ARHGAP6: variants seen among roughly 807,000 people sequenced by gnomAD.
ARHGAP6 encodes the protein Rho GTPase activating protein 6.
ARHGAP6 carries 16 observed loss-of-function variants against 55.7 expected under a neutral mutation model. The ratio of observed to expected loss-of-function variants is 0.29; its 90% confidence interval spans 0.19 to 0.44. ARHGAP6 has a LOEUF of 0.44. Among genes scored for constraint, ARHGAP6 ranks in the 20% least tolerant of loss-of-function variants. ARHGAP6 has a pLI of 1.00. For synonymous variants in ARHGAP6, 382 were observed against 360.9 expected (o/e 1.06, Z -0.66); for missense variants, 698 against 808.9 (o/e 0.86, Z 1.66).
chrX:11,251,323 T>C (rs1400737716), intron 2 of ARHGAP6, among the ~76,000 whole-genome samples: 1 of 112,068 alleles, frequency 8.9e-6, no homozygotes, highest in Non-Finnish European at 1.9e-5. Context: ...CTAATGCCCA[T>C]CTATCATTAT....
intron 1 of ARHGAP6, among the ~76,000 whole-genome samples, chrX:11,426,693 A>T (rs1206734396): frequency 1.8e-5 from 2 of 110,475 alleles, no homozygotes; most frequent in African/African-American, 6.6e-5. Context: ...CAGAAGTAGT[A>T]GTCATTCCTC....
At chrX:11,145,376 G>T (rs1419146682) in intron 10 of ARHGAP6, among the ~76,000 whole-genome samples, 1 of 111,726 alleles carries the variant, frequency 9.0e-6, no homozygotes, top group Non-Finnish European at 1.9e-5. Flanking sequence ...GGTTAATATC[G>T]CCGGGAAAAA....
chrX:11,473,470 A>G (rs2050370310), intron 1 of ARHGAP6, among the ~76,000 whole-genome samples: 1 of 111,734 alleles, frequency 8.9e-6, no homozygotes, highest in African/African-American at 3.3e-5. Context: ...GGGTGTCCTT[A>G]CAGAAAAAGG....
At chrX:11,296,004 C>T (rs771054226) in intron 1 of ARHGAP6, among the ~76,000 whole-genome samples, 9 of 112,045 alleles carry the variant, frequency 8.0e-5, no homozygotes, top group Non-Finnish European at 1.7e-4. Flanking sequence ...TGATTCAGAT[C>T]ATCATTCAGG....
chrX:11,593,684 G>A (rs1443374451), intron 1 of ARHGAP6, among the ~76,000 whole-genome samples: 1 of 111,687 alleles, frequency 9.0e-6, no homozygotes, highest in African/African-American at 3.3e-5. Flanking sequence ...TGCAGTGGGT[G>A]GACAGGGGAT....
At chrX:11,443,175 C>T (rs1192063084) in intron 1 of ARHGAP6, among the ~76,000 whole-genome samples, 1 of 112,422 alleles carries the variant, frequency 8.9e-6, no homozygotes, top group East Asian at 2.8e-4. Context: ...GCCACAGAAT[C>T]AGTCTTTTTT....
rs187978528 is a variant in ARHGAP6 at position 11,277,286 on chromosome X, G to T, written c.589-22579C>A. 0.011 allele frequency among the ~76,000 whole-genome samples: 1,219 copies of T among 111,006 alleles called. 9 individuals carry two copies. In the Middle Eastern group the frequency reaches 0.12, roughly 11 times the overall value. ...TTGCTTGTCCATTCTTCAGTTGATG[G>T]GCATTTGGGTTCTTTCCACATTTTG... is the stretch of plus-strand genomic sequence containing the variant. On this transcript the variant is annotated intron_variant, in intron 1 of 12. Transcript: ENST00000337414.
intron 1 of ARHGAP6, among the ~76,000 whole-genome samples, chrX:11,336,331 T>C (rs1038578981): frequency 7.2e-5 from 8 of 111,382 alleles, no homozygotes; most frequent in African/African-American, 2.3e-4. Context: ...AGGAGTCTCA[T>C]GCTTTGTCTG....
intron 1 of ARHGAP6, among the ~76,000 whole-genome samples, chrX:11,484,230 G>C (rs780131560): frequency 9.1e-6 from 1 of 110,496 alleles, no homozygotes; most frequent in Non-Finnish European, 1.9e-5. Context: ...ATGCAGCTTT[G>C]CCCTGGTATG....
chrX:11,639,275 C>A (rs1209051476), intron 1 of ARHGAP6, among the ~76,000 whole-genome samples: 1 of 111,093 alleles, frequency 9.0e-6, no homozygotes, highest in African/African-American at 3.3e-5. Flanking sequence ...AGGTTTGTTA[C>A]ATAGGTATAC....
intron 1 of ARHGAP6, among the ~76,000 whole-genome samples, chrX:11,580,150 C>T (rs2051648841): frequency 8.9e-6 from 1 of 112,006 alleles, no homozygotes; most frequent in Non-Finnish European, 1.9e-5. Context: ...GCTACCAAAA[C>T]TAAACAAACA....
intron 1 of ARHGAP6, among the ~76,000 whole-genome samples, chrX:11,593,348 A>G (rs1219987155): frequency 9.0e-6 from 1 of 111,724 alleles, no homozygotes; most frequent in Non-Finnish European, 1.9e-5. Context: ...CTATCCAAGT[A>G]GACTACATGC....
chrX:11,261,728 A>G (rs1368295555), intron 1 of ARHGAP6, among the ~76,000 whole-genome samples: 1 of 111,923 alleles, frequency 8.9e-6, no homozygotes, highest in Non-Finnish European at 1.9e-5. Context: ...AATATGATAA[A>G]ATGATATAGG....
chrX:11,174,573 C>CCTTCCTTCCTTCCTTCCTTCCTTCCTTT (rs1491543420), intron 8 of ARHGAP6, among the ~76,000 whole-genome samples: 1 of 42,284 alleles, frequency 2.4e-5, no homozygotes. Flanking sequence ...TTCCTTCCTT[C>CCTTCCTTCCTTCCTTCCTTCCTTCCTTT]CTTTCTTTCT....
chrX:11,308,072 G>T (rs2147594805), intron 1 of ARHGAP6, among the ~76,000 whole-genome samples: 1 of 112,178 alleles, frequency 8.9e-6, no homozygotes, highest in East Asian at 2.8e-4. Flanking sequence ...ATAGAGAGAG[G>T]AAGAAATTTG....
chrX:11,490,693 A>T (rs1432224611), intron 1 of ARHGAP6, among the ~76,000 whole-genome samples: 1 of 112,332 alleles, frequency 8.9e-6, no homozygotes, highest in Admixed American at 9.4e-5. Context: ...TCTATTTGCC[A>T]GTTTATGGCT....
At chrX:11,376,125 CACAT>C (rs1368861398) in intron 1 of ARHGAP6, among the ~76,000 whole-genome samples, 1 of 111,624 alleles carries the variant, frequency 9.0e-6, no homozygotes, top group African/African-American at 3.3e-5. Context: ...TGATCATGTG[CACAT>C]ACAAACACAG....
intron 1 of ARHGAP6, among the ~76,000 whole-genome samples, chrX:11,512,157 T>C (rs370054649): frequency 4.5e-5 from 5 of 112,036 alleles, no homozygotes; most frequent in African/African-American, 1.6e-4. Flanking sequence ...ATGGATAGGA[T>C]ACATTTGGGG....
chrX:11,544,114 T>G (rs1415041981), intron 1 of ARHGAP6, among the ~76,000 whole-genome samples: 1 of 112,255 alleles, frequency 8.9e-6, no homozygotes, highest in Non-Finnish European at 1.9e-5. Context: ...TTCAATTGTT[T>G]TTAGGCATTT....
Sources: allele counts gnomAD v4.1 joint callset (sites outside exome capture counted in the v4.1 genomes callset), GRCh38; gene constraint gnomAD v4.1.1; transcripts MANE v1.5; gene names NCBI Gene and HGNC (gene_info 2026-07-23, HGNC 2026-07-21).